RANBP10: variants seen among roughly 807,000 people sequenced by gnomAD.
The protein encoded by RANBP10 is RAN binding protein 10, also known as ran-binding protein 10.
A neutral mutation model predicts 72.8 loss-of-function variants in RANBP10; 24 were observed. That is an observed-to-expected ratio of 0.33 (90% CI 0.24 to 0.46). The LOEUF (loss-of-function observed/expected upper bound fraction) is 0.46, where lower values mean the gene tolerates loss of function less well. Ranked by LOEUF, RANBP10 falls within the 20% of genes least tolerant of loss-of-function variation. The pLI, the probability that RANBP10 is intolerant of heterozygous loss-of-function variation, is 1.00. For missense variants in RANBP10, 679 were observed against 817.5 expected, an observed-to-expected ratio of 0.83 and a Z score of 2.07; for synonymous variants, 310 against 322.3, an observed-to-expected ratio of 0.96 and a Z score of 0.41.
Position 67,726,506 on chromosome 16 carries a change from T to C in RANBP10, c.1785A>G (p.Ala595=). The C allele has an allele frequency of 6.3e-7, 1 of 1,588,548 alleles. No homozygotes were observed. The highest frequency in any genetic ancestry group is 1.3e-5 in the African/African-American group (1 of 74,594). ...GGGCCATGAGCCGGAGACACTCAGA[T>C]GCCTGGCCCAGGGCGAGCATCAGAG... is the stretch of plus-strand genomic sequence containing the variant. ...QPPLMLALGQ[A]SECLRLMARA... is the part of the protein sequence containing the mutation. Residue 595 remains alanine, a synonymous_variant, in exon 14 of 14, where the codon GCA becomes GCG. Coordinates refer to ENST00000317506, the MANE Select transcript of RANBP10 (RefSeq NM_020850.3).
intron 2 of RANBP10, among the ~76,000 whole-genome samples, chr16:67,801,499 A>G (rs910116246): frequency 6.6e-6 from 1 of 152,198 alleles, no homozygotes; most frequent in South Asian, 2.1e-4. Flanking sequence ...CAAACATCCC[A>G]GGGACTCAGG....
In RANBP10 at chr16:67,735,070, G is replaced by A. The variant is rs200619078; in HGVS notation, c.592-28C>T. 1.4e-4 allele frequency: 210 copies of A among 1,554,944 alleles called. No individual in the cohort carries two copies. The African/African-American group carries it at 2.7e-3, about 20-fold the overall frequency. On this transcript the variant is annotated intron_variant, in intron 5 of 13. Coordinates refer to ENST00000317506, the MANE Select transcript of RANBP10 (RefSeq NM_020850.3). The stretch of plus-strand genomic sequence containing the variant: ...GAGGAGGAGAATGAAATGTCAGTCA[G>A]GCCCTGAGGGCAGTGGGGTTCTAAG...
intron 10 of RANBP10, 56 bp from the exon 11 acceptor site, chr16:67,728,567 G>T (rs1476762057): frequency 6.2e-7 from 1 of 1,612,030 alleles, no homozygotes. Context: ...GGAGCAGCCT[G>T]GTTGGGCCTC....
intron 3 of RANBP10, 121 bp from the exon 4 acceptor site, chr16:67,744,576 T>C (rs1275907939): frequency 1.8e-6 from 2 of 1,117,026 alleles, no homozygotes; most frequent in Middle Eastern, 2.2e-4. Context: ...GTCAGCACTC[T>C]TGGCTTCTAG....
chr16:67,740,399 C>A (rs1020175088), intron 4 of RANBP10, among the ~76,000 whole-genome samples: 1 of 152,040 alleles, frequency 6.6e-6, no homozygotes, highest in Non-Finnish European at 1.5e-5. Context: ...CCATCATGCC[C>A]GGCAGATAAA....
intron 2 of RANBP10, among the ~76,000 whole-genome samples, chr16:67,794,796 T>G (rs1351995321): frequency 1.3e-5 from 2 of 151,062 alleles, no homozygotes; most frequent in Non-Finnish European, 2.9e-5. Context: ...GTGCTGGGAT[T>G]ACAGGCTTGA....
chr16:67,760,114 A>T (rs1039781666), intron 3 of RANBP10, among the ~76,000 whole-genome samples: 1 of 151,754 alleles, frequency 6.6e-6, no homozygotes, highest in Non-Finnish European at 1.5e-5. Context: ...AAAAAAAAAA[A>T]GAAAAAAGAA....
intron 3 of RANBP10, among the ~76,000 whole-genome samples, chr16:67,745,065 C>T (rs1048290251): frequency 2.6e-5 from 4 of 151,826 alleles, no homozygotes; most frequent in Admixed American, 6.6e-5. Flanking sequence ...CTCCTGACCT[C>T]GTGATCCGCC....
intron 6 of RANBP10, among the ~76,000 whole-genome samples, chr16:67,734,416 C>G (rs1334268772): frequency 6.6e-6 from 1 of 152,254 alleles, no homozygotes; most frequent in Admixed American, 6.5e-5. Context: ...TCCCTTCCCT[C>G]CACCACCGCT....
Position 67,726,181 on chromosome 16 carries a change from A to G in RANBP10, c.*247T>C. ...CCCCCCTTTCAAAATAGAAGGCGCT[A>G]CATGAGAGTAACCAGCCAATACTGT... On this transcript the variant is annotated 3_prime_UTR_variant, in exon 14 of 14. Transcript: ENST00000317506. The G allele has an allele frequency of 2.2e-6, 1 of 463,296 alleles. No homozygotes were observed. Among genetic ancestry groups the G allele is most frequent in the Non-Finnish European group, 3.9e-6 (1 of 257,232 alleles). 28.7% of individuals were successfully genotyped at this position (463,296 alleles called of 1,614,324 possible). A position where few individuals can be genotyped will look rare whatever the true frequency, so the allele number is the denominator to read the frequency against.
At chr16:67,736,811 G>C (rs2053856822) in intron 5 of RANBP10, among the ~76,000 whole-genome samples, 1 of 152,226 alleles carries the variant, frequency 6.6e-6, no homozygotes, top group South Asian at 2.1e-4. Flanking sequence ...CCAGGTAAGA[G>C]GGAAGGATTC....
chr16:67,761,086 C>T (rs972116677), intron 3 of RANBP10, among the ~76,000 whole-genome samples: 14 of 152,214 alleles, frequency 9.2e-5, no homozygotes, highest in African/African-American at 2.9e-4. Context: ...AGTCATTTAG[C>T]CAAGAGTTCT....
intron 2 of RANBP10, among the ~76,000 whole-genome samples, chr16:67,774,346 G>A (rs753496439): frequency 6.6e-6 from 1 of 152,238 alleles, no homozygotes; most frequent in Non-Finnish European, 1.5e-5. Context: ...AGTTATGCTT[G>A]GTCGCTGCAA....
rs750105918 is a variant in RANBP10 at position 67,729,505 on chromosome 16, C to T, written c.1148-21G>A. 32 of 1,604,658 alleles carry T rather than the reference C, an allele frequency of 2.0e-5. No homozygotes were observed. In the African/African-American group the frequency reaches 4.0e-4, roughly 20 times the overall value. ...TGCTCCTAGAAGCCAGGGTGACAGT[C>T]AGAAGAGGAGGGGCAGCTTCCCATG... On this transcript the variant is annotated intron_variant, in intron 9 of 13. Coordinates refer to ENST00000317506, the MANE Select transcript of RANBP10 (RefSeq NM_020850.3). The surrounding 1 kb of genome is among the most constrained non-coding windows in gnomAD (Gnocchi z 7.1).
At chr16:67,778,123 G>A (rs1464632117) in intron 2 of RANBP10, among the ~76,000 whole-genome samples, 1 of 152,216 alleles carries the variant, frequency 6.6e-6, no homozygotes, top group Non-Finnish European at 1.5e-5. Context: ...GCCAAAGTGG[G>A]TGGATCACCT....
At chr16:67,753,046 C>A (rs1054849555) in intron 3 of RANBP10, among the ~76,000 whole-genome samples, 1 of 151,914 alleles carries the variant, frequency 6.6e-6, no homozygotes, top group Non-Finnish European at 1.5e-5. Context: ...TCGAGACCAG[C>A]CTGGGCAACA....
chr16:67,755,580 A>C (rs2054271672), intron 3 of RANBP10, among the ~76,000 whole-genome samples: 2 of 150,966 alleles, frequency 1.3e-5, no homozygotes, highest in Admixed American at 1.3e-4. Context: ...GCTGCTCGGA[A>C]GGCTGAGGCA....
chr16:67,780,820 G>C (rs1201874295), intron 2 of RANBP10, among the ~76,000 whole-genome samples: 1 of 152,204 alleles, frequency 6.6e-6, no homozygotes, highest in East Asian at 1.9e-4. Flanking sequence ...CCAAGGAAAG[G>C]TCAATTCTCT....
chr16:67,730,493 C>A lies in RANBP10; in HGVS notation c.890-447G>T, dbSNP rs1402601057. Reference sequence around the variant, plus strand: ...GCAATGGAATCACACTGGTTTCTGACCAGGGCTCTGGCTGGTGGTCTTCAG... The same window carrying A: ...GCAATGGAATCACACTGGTTTCTGAACAGGGCTCTGGCTGGTGGTCTTCAG... On this transcript the variant is annotated intron_variant, in intron 7 of 13. Coordinates refer to ENST00000317506, the MANE Select transcript of RANBP10 (RefSeq NM_020850.3). This position sits in a 1 kb window ranked among gnomAD's most constrained non-coding sequence, Gnocchi z 4.3. Among the ~76,000 whole-genome samples, 1 of 152,180 alleles carries A rather than the reference C, an allele frequency of 6.6e-6. No homozygotes were observed.
Sources: allele counts gnomAD v4.1 joint callset (sites outside exome capture counted in the v4.1 genomes callset), GRCh38; gene constraint gnomAD v4.1.1; non-coding constraint Gnocchi (gnomAD v3.1); transcripts MANE v1.5; gene names NCBI Gene and HGNC (gene_info 2026-07-23, HGNC 2026-07-21).